The following FGD1 variants were observed in gnomAD, a reference collection of about 807,000 sequenced individuals.
FGD1 encodes the protein FYVE, RhoGEF and PH domain-containing protein 1.
Under a neutral mutation model 65.0 loss-of-function variants are expected in FGD1, and 12 were observed. The ratio of observed to expected loss-of-function variants is 0.18; its 90% confidence interval spans 0.12 to 0.30. The LOEUF (loss-of-function observed/expected upper bound fraction) is 0.30, where lower values mean the gene tolerates loss of function less well. Among genes scored for constraint, FGD1 ranks in the 10% least tolerant of loss-of-function variants. The pLI is 1.00. For missense variants in FGD1, 542 were observed against 837.6 expected (o/e 0.65, Z 4.36); for synonymous variants, 333 against 343.9 (o/e 0.97, Z 0.35).
At chrX:54,458,357 A>T (rs1232044647) in intron 8 of FGD1, among the ~76,000 whole-genome samples, 1 of 109,998 alleles carries the variant, frequency 9.1e-6, no homozygotes, top group African/African-American at 3.3e-5. Flanking sequence ...CCTGGCCAAC[A>T]TGGCAAAACC....
chrX:54,454,641 G>C (rs1922453494), intron 12 of FGD1, among the ~76,000 whole-genome samples: 1 of 76,484 alleles, frequency 1.3e-5, no homozygotes, highest in African/African-American at 6.4e-5. Flanking sequence ...GTGAGACTCT[G>C]TCTTAAAAAA....
intron 1 of FGD1, among the ~76,000 whole-genome samples, chrX:54,492,914 CA>C (rs57186509): frequency 0.42 from 26,853 of 64,621 alleles, 5,541 homozygotes; most frequent in African/African-American, 0.72. Flanking sequence ...CATCTTGAAT[CA>C]AAAAAAAAAA....
chrX:54,455,527 G>A lies in FGD1; in HGVS notation c.1936C>T (p.Leu646=). ...RARIDVDGME[L]KESSNLNLPR... Reference sequence around the variant, plus strand: ...AGATTGAGGTTGGAGCTCTCCTTTAGCTGAATGGAGGCAGAAAGGGGCATG... The same window carrying A: ...AGATTGAGGTTGGAGCTCTCCTTTAACTGAATGGAGGCAGAAAGGGGCATG... Residue 646 remains leucine (L), a splice_region_variant and synonymous_variant, in exon 12 of 18, where the codon CTA becomes TTA. Transcript: ENST00000375135. The A allele has an allele frequency of 8.3e-7, 1 of 1,203,909 alleles. No homozygotes were observed. Among genetic ancestry groups the A allele is most frequent in the African/African-American group, 1.7e-5 (1 of 57,757 alleles).
intron 12 of FGD1, among the ~76,000 whole-genome samples, 194 bp downstream of exon 12, chrX:54,455,254 C>T (rs907299935): frequency 8.9e-6 from 1 of 112,178 alleles, no homozygotes; most frequent in East Asian, 2.8e-4. Context: ...TTCCCCATAT[C>T]GTGAAGTACT....
chrX:54,469,131 A>T (rs1404770625), intron 4 of FGD1, among the ~76,000 whole-genome samples: 1 of 111,141 alleles, frequency 9.0e-6, no homozygotes, highest in Non-Finnish European at 1.9e-5. Context: ...CTCTCTATTC[A>T]CTCAGCAGAG....
intron 8 of FGD1, among the ~76,000 whole-genome samples, chrX:54,457,133 A>G (rs1423427197): frequency 8.9e-6 from 1 of 111,833 alleles, no homozygotes; most frequent in African/African-American, 3.2e-5. Context: ...ATTACCATTA[A>G]TAATAACAAT....
intron 1 of FGD1, among the ~76,000 whole-genome samples, chrX:54,484,344 T>C (rs184948771): frequency 9.1e-6 from 1 of 110,380 alleles, no homozygotes; most frequent in African/African-American, 3.3e-5. Context: ...CTGCTAGATA[T>C]CAGCTCCACG....
chrX:54,458,825 A>T (rs1922569307), intron 8 of FGD1, among the ~76,000 whole-genome samples: 1 of 111,842 alleles, frequency 8.9e-6, no homozygotes, highest in Non-Finnish European at 1.9e-5. Flanking sequence ...TCCTCAGTAG[A>T]CTACGAGCTC....
At chrX:54,446,630 G>A (rs1168440090) in intron 17 of FGD1, among the ~76,000 whole-genome samples, 3 of 64,907 alleles carry the variant, frequency 4.6e-5, no homozygotes, top group East Asian at 4.2e-4. Context: ...CCCCACCCCC[G>A]CCTCTTCTCA....
At chrX:54,483,302 A>G (rs735328) in intron 1 of FGD1, among the ~76,000 whole-genome samples, 14,755 of 111,331 alleles carry the variant, frequency 0.13, 1,488 homozygotes, top group African/African-American at 0.34. Context: ...TGCATTAGGT[A>G]GGGGGGTCCC....
rs1922108374 is a variant in FGD1, at chrX:54,445,461, A to G, written c.*648T>C. 1 of 109,144 alleles carries G rather than the reference A, an allele frequency of 9.2e-6. No homozygotes were observed. The highest frequency in any genetic ancestry group is 3.4e-5 in the African/African-American group (1 of 29,424). The allele number at this position is 109,144 out of a possible 1,213,427, so 9.0% of individuals were successfully genotyped here. A position where few individuals can be genotyped will look rare whatever the true frequency, so the allele number is the denominator to read the frequency against. On this transcript the variant is annotated 3_prime_UTR_variant, in exon 18 of 18. Transcript: ENST00000375135. ...ACAGCAGTGCTATGAAAGTTACTGT[A>G]AGCCTGAAATAAACTGTATTTTTCT...
At position 54,495,132 on chromosome X, in the gene FGD1, G is replaced by C. The variant is rs1923499623; in HGVS notation, c.301C>G (p.Arg101Gly). ...CTCTCAGTCGCTCACTCACCAGGCC[G>C]AGGCTGCGAGCCCTCCAGGTGGTAA... ...FSYHLEGSQP[R>G]PGLHQGNRIL... The change falls in exon 1 of 18, where the codon CGG becomes GGG. Residue 101 changes from arginine to glycine, a missense_variant. Arg to Gly is a moderately radical substitution (Grantham distance 125, BLOSUM62 -2). Transcript: ENST00000375135. 1 of 1,181,083 alleles carries C rather than the reference G, an allele frequency of 8.5e-7. No homozygotes were observed. Among genetic ancestry groups the C allele is most frequent in the Non-Finnish European group, 1.1e-6 (1 of 881,282 alleles).
At chrX:54,493,287 C>T (rs929115119) in intron 1 of FGD1, among the ~76,000 whole-genome samples, 2 of 112,120 alleles carry the variant, frequency 1.8e-5, no homozygotes, top group African/African-American at 3.2e-5. Context: ...ACACCTACTG[C>T]GTGTTAGGCA....
intron 1 of FGD1, among the ~76,000 whole-genome samples, chrX:54,488,412 C>T (rs1210859011): frequency 9.2e-6 from 1 of 109,091 alleles, no homozygotes; most frequent in Non-Finnish European, 1.9e-5. Context: ...GGTGAAACCC[C>T]GTCTCTACTA....
intron 6 of FGD1, among the ~76,000 whole-genome samples, chrX:54,466,212 G>A (rs1332799294): frequency 8.9e-6 from 1 of 111,754 alleles, no homozygotes; most frequent in Non-Finnish European, 1.9e-5. Context: ...GCCCTGAGAG[G>A]GTCACCATCT....
At position 54,470,211 on chromosome X, in the gene FGD1, A is replaced by T; in HGVS notation, c.906T>A (p.Asp302Glu). The change falls in exon 4 of 18, where the codon GAT becomes GAA. Residue 302 changes from aspartate (D) to glutamate (E), a missense_variant. Asp to Glu is a conservative substitution (Grantham distance 45). Coordinates refer to ENST00000375135, the MANE Select transcript of FGD1 (RefSeq NM_004463.3). ...SNSEETCFVS[D>E]DGPPSHSLCP... ...AGAGGCTGTGGCTGGGGGGCCCGTC[A>T]TCACTGACGAAGCAGGTCTCCTCGC... 1 of 1,206,860 alleles carries T rather than the reference A, an allele frequency of 8.3e-7. No individual in the cohort carries two copies. The highest frequency in any genetic ancestry group is 3.0e-5 in the East Asian group (1 of 33,641).
rs1923537445 is a variant in FGD1 at position 54,496,078 on chromosome X, C to T, written c.-646G>A. On this transcript the variant is annotated 5_prime_UTR_variant, in exon 1 of 18. Coordinates refer to ENST00000375135, the MANE Select transcript of FGD1 (RefSeq NM_004463.3). The stretch of plus-strand genomic sequence containing the variant: ...GTAGTCCCAGACGATGCTCCAGCCG[C>T]GGGGGCAGGAGAACGGCCTGGGCCG... 9.3e-6 allele frequency: 1 copy of T among 107,311 alleles called. No homozygotes were observed. Among genetic ancestry groups the T allele is most frequent in the Admixed American group, 9.9e-5 (1 of 10,143 alleles). The allele number at this position is 107,311 out of a possible 1,213,427, so 8.8% of individuals were successfully genotyped here.
At position 54,495,357 on chromosome X, in the gene FGD1, C is replaced by G; in HGVS notation, c.76G>C (p.Ala26Pro). ...EHPATNPPGA[A>P]PPACADSDPG... ...TCCGAGTCGGCACAGGCCGGCGGAG[C>G]GGCGCCCGGCGGGTTCGTGGCCGGG... Residue 26 changes from alanine to proline, a missense_variant, in exon 1 of 18, where the codon GCT (alanine) becomes CCT (proline). Physicochemically the swap from Ala to Pro is conservative, Grantham distance 27. This residue lies in a region of FGD1 where 297 missense variants were observed against 326.8 expected (regional missense o/e 0.91). Coordinates refer to ENST00000375135, the MANE Select transcript of FGD1 (RefSeq NM_004463.3). The G allele has an allele frequency of 1.7e-6, 2 of 1,149,281 alleles. No homozygotes were observed. Among genetic ancestry groups the G allele is most frequent in the South Asian group, 1.9e-5 (1 of 51,360 alleles). 94.7% of individuals were successfully genotyped at this position (1,149,281 alleles called of 1,213,427 possible).
chrX:54,494,019 G>A (rs936643290), intron 1 of FGD1, among the ~76,000 whole-genome samples: 4 of 112,615 alleles, frequency 3.6e-5, no homozygotes, highest in Non-Finnish European at 7.5e-5. Flanking sequence ...GCTCAGGCCC[G>A]TATGAGAATG....
Sources: gnomAD v4.1 joint callset for allele counts (sites outside exome capture counted in the v4.1 genomes callset) on GRCh38, gnomAD v4.1.1 for gene constraint, gnomAD v4.1.1 regional missense constraint, MANE v1.5 for transcripts, NCBI Gene and HGNC (gene_info 2026-07-23, HGNC 2026-07-21) for gene names.